TMEM260: variants seen among roughly 807,000 people sequenced by gnomAD.
TMEM260 encodes the protein protein O-mannosyl-transferase TMEM260.
Under a neutral mutation model 88.9 loss-of-function variants are expected in TMEM260, and 82 were observed. The observed-to-expected ratio is 0.92, with a 90% CI of 0.77 to 1.11. The LOEUF (loss-of-function observed/expected upper bound fraction) is 1.11, where lower values mean the gene tolerates loss of function less well. TMEM260 is among the 50% of genes least tolerant of loss of function. The probability of loss-of-function intolerance (pLI) is 0.00; values close to 1 mark genes in which losing one functional copy is unlikely to be tolerated. For missense variants in TMEM260, 902 were observed against 853.4 expected (o/e 1.06, Z -0.71); for synonymous variants, 314 against 309.3 (o/e 1.02, Z -0.16).
At chr14:56,591,114 A>C (rs145859345) in intron 3 of TMEM260, among the ~76,000 whole-genome samples, 1 of 152,350 alleles carries the variant, frequency 6.6e-6, no homozygotes, top group Admixed American at 6.5e-5. Flanking sequence ...AATTACAAAA[A>C]CTTAAAAAAC....
chr14:56,592,990 A>G (rs1204132393), intron 3 of TMEM260: 1 of 152,252 alleles, frequency 6.6e-6, no homozygotes, highest in Admixed American at 6.5e-5. Flanking sequence ...TAAGGGTTAG[A>G]CAAACATGTG....
intron 14 of TMEM260, 67 bp downstream of exon 14, chr14:56,635,019 TTTTAA>T: frequency 7.0e-7 from 1 of 1,436,768 alleles, no homozygotes; most frequent in East Asian, 2.3e-5. Flanking sequence ...CTTATGGCAC[TTTTAA>T]TTTTGAGAGT....
chr14:56,591,456 A>G (rs547246356), intron 3 of TMEM260, among the ~76,000 whole-genome samples: 8 of 152,300 alleles, frequency 5.3e-5, no homozygotes, highest in African/African-American at 1.7e-4. Context: ...TTGACTTCCT[A>G]TACTTTTAGT....
In TMEM260 at chr14:56,649,243, ATGAAT is replaced by A. The variant is rs781270604; in HGVS notation, c.*1751_*1755del. On this transcript the variant is annotated 3_prime_UTR_variant, in exon 16 of 16. Coordinates refer to ENST00000261556, the MANE Select transcript of TMEM260 (RefSeq NM_017799.4). ...CCTACTCATCTTGAACCAGAAAAAA[ATGAAT>A]TGAAGTTGTTGAGTACTAATTGGCA... The A allele has an allele frequency of 5.9e-5, 9 of 152,632 alleles. No individual in the cohort carries two copies. Among genetic ancestry groups the A allele is most frequent in the African/African-American group, 9.7e-5 (4 of 41,444 alleles). The allele number at this position is 152,632 out of a possible 1,614,324, so 9.5% of individuals were successfully genotyped here. A position where few individuals can be genotyped will look rare whatever the true frequency, so the allele number is the denominator to read the frequency against.
downstream of TMEM260, among the ~76,000 whole-genome samples, chr14:56,653,742 A>AAAAAAAAAAAAC (rs1555343572): frequency 9.1e-5 from 6 of 65,802 alleles, 2 homozygotes; most frequent in Admixed American, 2.6e-4. Flanking sequence ...TCTCCAAAAC[A>AAAAAAAAAAAAC]AAAAAAAAAA....
At chr14:56,612,037 T>C (rs566394262) in intron 6 of TMEM260, among the ~76,000 whole-genome samples, 2 of 152,170 alleles carry the variant, frequency 1.3e-5, no homozygotes, top group Non-Finnish European at 2.9e-5. Flanking sequence ...GGTACTATGC[T>C]TATTACCTGG....
intron 12 of TMEM260, among the ~76,000 whole-genome samples, chr14:56,631,465 A>T (rs1052908744): frequency 1.3e-5 from 2 of 152,088 alleles, no homozygotes; most frequent in African/African-American, 4.8e-5. Flanking sequence ...TCTACTAAAA[A>T]TACAAAATTT....
the TMEM260 span, among the ~76,000 whole-genome samples, chr14:56,658,763 C>T: frequency 6.6e-6 from 1 of 152,086 alleles, no homozygotes; most frequent in Non-Finnish European, 1.5e-5. Context: ...CAAAGTCTCA[C>T]TCTGCCACCC....
At chr14:56,621,842 TTAGG>T (rs1188323008) in intron 11 of TMEM260, 140 bp downstream of exon 11, 1 of 602,850 alleles carries the variant, frequency 1.7e-6, no homozygotes, top group East Asian at 3.1e-5. Flanking sequence ...ATTCTACATG[TTAGG>T]TAGAATATAT....
chr14:56,613,705 C>T (rs944158793), intron 7 of TMEM260: 2 of 151,964 alleles, frequency 1.3e-5, no homozygotes, highest in Middle Eastern at 3.4e-3. Flanking sequence ...ATGTGTGAGA[C>T]TTTTGTGGCT....
rs1890146580 is a variant in TMEM260, at chr14:56,649,440, G to A, written c.*1943G>A. 1 of 152,052 alleles carries A rather than the reference G, an allele frequency of 6.6e-6. No individual in the cohort carries two copies. Among genetic ancestry groups the A allele is most frequent in the Non-Finnish European group, 1.5e-5 (1 of 67,998 alleles). The allele number at this position is 152,052 out of a possible 1,614,324, so 9.4% of individuals were successfully genotyped here. On this transcript the variant is annotated 3_prime_UTR_variant, in exon 16 of 16. Coordinates refer to ENST00000261556, the MANE Select transcript of TMEM260 (RefSeq NM_017799.4). ...ATTGTCTAAGTTTATCCATTTGAAAGAAATTGTGTAAGATTATGATATTCT... is the reference window on the plus strand; with the variant it reads ...ATTGTCTAAGTTTATCCATTTGAAAAAAATTGTGTAAGATTATGATATTCT...
Position 56,605,569 on chromosome 14 carries a change from G to A in TMEM260, c.523-1G>A. ...AATTTTTTTTTTTAATTTATTTTCA[G>A]GTAGCTAAAATTGGTGCTTTCTGCT... On this transcript the variant is annotated splice_acceptor_variant, in intron 4 of 15. Transcript: ENST00000261556. LOFTEE classifies it high-confidence loss of function. 6.8e-7 allele frequency: 1 copy of A among 1,474,282 alleles called. No individual in the cohort carries two copies. The highest frequency in any genetic ancestry group is 1.4e-5 in the South Asian group (1 of 69,236). 91.3% of individuals were successfully genotyped at this position (1,474,282 alleles called of 1,614,324 possible). A position where few individuals can be genotyped will look rare whatever the true frequency, so the allele number is the denominator to read the frequency against.
chr14:56,629,135 A>G (rs1888419218), intron 12 of TMEM260, among the ~76,000 whole-genome samples: 1 of 151,916 alleles, frequency 6.6e-6, no homozygotes, highest in Non-Finnish European at 1.5e-5. Context: ...ACCTCAAGTG[A>G]TCCATCTGCC....
chr14:56,581,679 C>T (rs1230752982), intron 1 of TMEM260, among the ~76,000 whole-genome samples: 5 of 152,176 alleles, frequency 3.3e-5, no homozygotes, highest in Non-Finnish European at 7.3e-5. Context: ...TTTTAACCCT[C>T]CCAGCTACCC....
downstream of TMEM260, among the ~76,000 whole-genome samples, chr14:56,651,005 A>G (rs561599375): frequency 6.6e-6 from 1 of 152,204 alleles, no homozygotes; most frequent in Non-Finnish European, 1.5e-5. Flanking sequence ...AACAACTTCA[A>G]CCCAGTAAGA....
chr14:56,596,794 A>AAAATATATATATAT (rs59623466), intron 3 of TMEM260, among the ~76,000 whole-genome samples: 87 of 136,286 alleles, frequency 6.4e-4, no homozygotes, highest in African/African-American at 2.3e-3. Flanking sequence ...TAAAAAAAAA[A>AAAATATATATATAT]ATATATATAT....
intron 15 of TMEM260, among the ~76,000 whole-genome samples, chr14:56,638,570 A>G (rs549714157): frequency 1.3e-5 from 2 of 152,088 alleles, no homozygotes; most frequent in African/African-American, 4.8e-5. Flanking sequence ...GTTTTTTTTC[A>G]GTGAATACAG....
intron 1 of TMEM260, 45 bp downstream of exon 1, chr14:56,580,119 C>G (rs1885018647): frequency 4.8e-6 from 6 of 1,243,808 alleles, no homozygotes; most frequent in Non-Finnish European, 6.1e-6. Flanking sequence ...CTCCCCTGGT[C>G]CCAGAACGGG....
intron 3 of TMEM260, among the ~76,000 whole-genome samples, chr14:56,599,318 T>G (rs1255316219): frequency 6.6e-6 from 1 of 152,162 alleles, no homozygotes; most frequent in African/African-American, 2.4e-5. Flanking sequence ...TAATATTTTA[T>G]TTTATTATTA....
Sources: allele counts gnomAD v4.1 joint callset (sites outside exome capture counted in the v4.1 genomes callset), GRCh38; gene constraint gnomAD v4.1.1; transcripts MANE v1.5; gene names NCBI Gene and HGNC (gene_info 2026-07-23, HGNC 2026-07-21).